TNNI3K: variants seen among roughly 807,000 people sequenced by gnomAD.
TNNI3K encodes serine/threonine-protein kinase TNNI3K.
A neutral mutation model predicts 114.5 loss-of-function variants in TNNI3K; 140 were observed. That is an observed-to-expected ratio of 1.22 (90% confidence interval 1.07 to 1.41). The LOEUF is 1.41. Among genes scored for constraint, TNNI3K ranks in the 40% most tolerant of loss-of-function variants. TNNI3K has a pLI of 0.00. For missense variants in TNNI3K, 1,125 were observed against 1,007.6 expected (o/e 1.12, Z -1.58); for synonymous variants, 347 against 347.5 (o/e 1.00, Z 0.02).
intron 17 of TNNI3K, among the ~76,000 whole-genome samples, chr1:74,399,105 G>A (rs550340986): frequency 5.6e-5 from 8 of 141,930 alleles, no homozygotes; most frequent in South Asian, 2.2e-4. Flanking sequence ...GCAGTGAGCC[G>A]CCCAGATCAT....
intron 23 of TNNI3K, among the ~76,000 whole-genome samples, chr1:74,523,662 G>T (rs1646465051): frequency 6.6e-6 from 1 of 152,190 alleles, no homozygotes; most frequent in South Asian, 2.1e-4. Context: ...CTGAGAGTTG[G>T]CAGTGTCTGG....
intron 17 of TNNI3K, among the ~76,000 whole-genome samples, chr1:74,432,044 A>C (rs1020853739): frequency 6.6e-6 from 1 of 151,956 alleles, no homozygotes; most frequent in Non-Finnish European, 1.5e-5. Context: ...GCTTCTGGAG[A>C]GTTTAAGATG....
At chr1:74,430,497 G>A (rs1015390092) in intron 17 of TNNI3K, among the ~76,000 whole-genome samples, 7 of 152,144 alleles carry the variant, frequency 4.6e-5, no homozygotes, top group African/African-American at 1.7e-4. Context: ...GCTTATTCAT[G>A]TCTGAATGTG....
At chr1:74,322,991 C>A (rs1244603640) in intron 5 of TNNI3K, among the ~76,000 whole-genome samples, 1 of 152,136 alleles carries the variant, frequency 6.6e-6, no homozygotes, top group Non-Finnish European at 1.5e-5. Flanking sequence ...TTCTTAAAGT[C>A]TCTTGGTGCA....
intron 17 of TNNI3K, among the ~76,000 whole-genome samples, chr1:74,392,099 T>G (rs1163799615): frequency 6.6e-6 from 1 of 151,462 alleles, no homozygotes; most frequent in East Asian, 2.0e-4. Flanking sequence ...CCAAGTTGAC[T>G]TCACAATAAG....
chr1:74,494,922 C>A (rs1237586293), intron 23 of TNNI3K, among the ~76,000 whole-genome samples: 1 of 152,128 alleles, frequency 6.6e-6, no homozygotes, highest in Non-Finnish European at 1.5e-5. Flanking sequence ...ACACGGAGAG[C>A]TACACAGAAT....
intron 4 of TNNI3K, among the ~76,000 whole-genome samples, chr1:74,262,598 C>G (rs930562373): frequency 6.6e-6 from 1 of 151,302 alleles, no homozygotes; most frequent in African/African-American, 2.4e-5. Flanking sequence ...ACTAAATTCT[C>G]CAGTTAGTGA....
At chr1:74,306,729 CTTG>C (rs1264276282) in intron 5 of TNNI3K, among the ~76,000 whole-genome samples, 3 of 151,866 alleles carry the variant, frequency 2.0e-5, no homozygotes, top group African/African-American at 7.3e-5. Context: ...GGGTTATTTT[CTTG>C]TTGGTGGTGA....
chr1:74,440,016 A>G (rs1295319975), intron 20 of TNNI3K, among the ~76,000 whole-genome samples: 1 of 152,074 alleles, frequency 6.6e-6, no homozygotes, highest in Non-Finnish European at 1.5e-5. Flanking sequence ...TAACACAGAA[A>G]TAACCTGTTA....
intron 16 of TNNI3K, chr1:74,369,906 C>A: frequency 3.8e-6 from 1 of 263,956 alleles, no homozygotes; most frequent in Non-Finnish European, 7.0e-6. Context: ...ATAAAATAAA[C>A]TTTTAAAAAA....
At chr1:74,319,617 A>T (rs1054881814) in intron 5 of TNNI3K, among the ~76,000 whole-genome samples, 1 of 152,198 alleles carries the variant, frequency 6.6e-6, no homozygotes, top group Non-Finnish European at 1.5e-5. Flanking sequence ...TTCATCTAGG[A>T]GCAAACATGG....
At chr1:74,449,384 A>G (rs975888190) in intron 20 of TNNI3K, among the ~76,000 whole-genome samples, 1 of 151,352 alleles carries the variant, frequency 6.6e-6, no homozygotes, top group African/African-American at 2.4e-5. Context: ...CTAGCGGTCT[A>G]TCAATTTTGT....
At chr1:74,468,159 A>G (rs1667756596) in intron 21 of TNNI3K, 1 of 152,218 alleles carries the variant, frequency 6.6e-6, no homozygotes, top group South Asian at 2.1e-4. Flanking sequence ...GTTAGTGACC[A>G]AGAGTACTCA....
intron 23 of TNNI3K, among the ~76,000 whole-genome samples, chr1:74,526,464 C>T (rs979633491): frequency 5.9e-5 from 9 of 152,112 alleles, no homozygotes; most frequent in South Asian, 2.1e-4. Context: ...TCAAGTTCTA[C>T]GGTTCTTATA....
intron 21 of TNNI3K, among the ~76,000 whole-genome samples, chr1:74,484,133 C>A (rs1292759189): frequency 6.6e-6 from 1 of 150,804 alleles, no homozygotes; most frequent in East Asian, 1.9e-4. Flanking sequence ...CTTTCTCAAC[C>A]CCCCAGTGAA....
intron 21 of TNNI3K, chr1:74,483,403 A>G (rs1570682135): frequency 2.8e-6 from 2 of 713,052 alleles, no homozygotes; most frequent in South Asian, 3.0e-5. Context: ...GGCAATGTAT[A>G]TCATAATGTT....
chr1:74,338,277 A>G (rs891878000), intron 7 of TNNI3K, among the ~76,000 whole-genome samples: 7 of 151,330 alleles, frequency 4.6e-5, no homozygotes, highest in African/African-American at 7.3e-5. Context: ...TCCATTTGGG[A>G]AAAAGAAAGC....
At chr1:74,336,190 T>G (rs201067844) in intron 7 of TNNI3K, 41 bp downstream of exon 7, 238 of 1,576,546 alleles carry the variant, frequency 1.5e-4, no homozygotes, top group Non-Finnish European at 1.4e-4. Context: ...ATCATTTGCT[T>G]TATGTATACC....
intron 11 of TNNI3K, among the ~76,000 whole-genome samples, chr1:74,358,444 C>A (rs756226198): frequency 3.9e-5 from 6 of 151,988 alleles, no homozygotes; most frequent in African/African-American, 7.2e-5. Flanking sequence ...ATAGTGTATT[C>A]TCTGAAAGTA....
Sources: gnomAD v4.1 joint callset for allele counts (sites outside exome capture counted in the v4.1 genomes callset) on GRCh38, gnomAD v4.1.1 for gene constraint, MANE v1.5 for transcripts, NCBI Gene and HGNC (gene_info 2026-07-23, HGNC 2026-07-21) for gene names.